CNTN5: variants seen among roughly 807,000 people sequenced by gnomAD.
CNTN5 encodes the protein contactin-5.
CNTN5 carries 77 observed loss-of-function variants against 129.1 expected under a neutral mutation model. The observed-to-expected ratio is 0.60, with a 90% confidence interval of 0.50 to 0.72. The LOEUF (loss-of-function observed/expected upper bound fraction) is 0.72. Among genes scored for constraint, CNTN5 ranks in the 30% least tolerant of loss-of-function variants. The pLI is 0.00. For synonymous variants in CNTN5, 509 were observed against 465.6 expected, an observed-to-expected ratio of 1.09 and a Z score of -1.20; for missense variants, 1,478 against 1,328.8, an observed-to-expected ratio of 1.11 and a Z score of -1.75.
At chr11:99,274,034 G>T (rs554373297) in intron 1 of CNTN5, among the ~76,000 whole-genome samples, 2 of 151,718 alleles carry the variant, frequency 1.3e-5, no homozygotes, top group Non-Finnish European at 2.9e-5. Context: ...AATTAGAGAT[G>T]TAGTTTCTTA....
chr11:99,840,230 G>T (rs888037177), intron 4 of CNTN5, among the ~76,000 whole-genome samples: 3 of 152,068 alleles, frequency 2.0e-5, no homozygotes, highest in South Asian at 2.1e-4. Flanking sequence ...TTTGATACCT[G>T]CCAAGTTGTC....
intron 1 of CNTN5, among the ~76,000 whole-genome samples, chr11:99,059,464 A>G (rs2135205116): frequency 6.6e-6 from 1 of 152,232 alleles, no homozygotes; most frequent in Non-Finnish European, 1.5e-5. Flanking sequence ...CTCAGAGCTA[A>G]ATGCACACAG....
intron 13 of CNTN5, among the ~76,000 whole-genome samples, chr11:100,075,513 C>T (rs569167430): frequency 1.3e-5 from 2 of 152,274 alleles, no homozygotes; most frequent in South Asian, 4.1e-4. Flanking sequence ...TTAGAGAAAA[C>T]TCTTTTTATG....
intron 1 of CNTN5, among the ~76,000 whole-genome samples, chr11:99,276,220 A>G (rs565551835): frequency 6.6e-6 from 1 of 151,904 alleles, no homozygotes; most frequent in South Asian, 2.1e-4. Context: ...CATTTGTCGC[A>G]TTCAGTTGAA....
chr11:99,856,288 A>G (rs947763671), intron 6 of CNTN5, among the ~76,000 whole-genome samples: 2 of 152,234 alleles, frequency 1.3e-5, no homozygotes, highest in Admixed American at 1.3e-4. Flanking sequence ...TTAAAGTTCA[A>G]GTCCTCTTCA....
intron 7 of CNTN5, among the ~76,000 whole-genome samples, chr11:99,951,717 A>T: frequency 6.6e-6 from 1 of 152,128 alleles, no homozygotes; most frequent in East Asian, 1.9e-4. Context: ...CCAGATTGTT[A>T]AAACTGTCTA....
chr11:100,245,347 C>T (rs766702407), intron 16 of CNTN5, among the ~76,000 whole-genome samples: 1 of 152,128 alleles, frequency 6.6e-6, no homozygotes, highest in Non-Finnish European at 1.5e-5. Flanking sequence ...TCTGGTTATA[C>T]CATTTTAGAG....
chr11:100,358,031 T>C lies in CNTN5; in HGVS notation c.*1811T>C, dbSNP rs2139055706. ...ACGCCTCCTTTAAAGTGGGAGAGGC[T>C]GGACTTTGCAAAAACAGGGATGCTA... On this transcript the variant is annotated 3_prime_UTR_variant, in exon 25 of 25. Coordinates refer to ENST00000524871, the MANE Select transcript of CNTN5 (RefSeq NM_014361.4). The C allele has an allele frequency of 6.6e-6, 1 of 151,970 alleles. No individual in the cohort carries two copies. The highest frequency in any genetic ancestry group is 1.9e-4 in the East Asian group (1 of 5,178). The allele number at this position is 151,970 out of a possible 1,614,324, so 9.4% of individuals were successfully genotyped here. A position where few individuals can be genotyped will look rare whatever the true frequency, so the allele number is the denominator to read the frequency against.
At chr11:99,553,993 C>CACACAA (rs1555025661) in intron 2 of CNTN5, among the ~76,000 whole-genome samples, 17 of 81,612 alleles carry the variant, frequency 2.1e-4, no homozygotes, top group African/African-American at 6.9e-4. Context: ...CACACACACA[C>CACACAA]ACATACACAC....
chr11:99,732,398 TAAC>T (rs951028330), intron 3 of CNTN5, among the ~76,000 whole-genome samples: 42 of 152,060 alleles, frequency 2.8e-4, no homozygotes, highest in African/African-American at 1.0e-3. Context: ...CTCAGTATAA[TAAC>T]TGAGTACTTG....
chr11:99,441,263 C>G (rs1254361047), intron 2 of CNTN5, among the ~76,000 whole-genome samples: 1 of 152,166 alleles, frequency 6.6e-6, no homozygotes, highest in African/African-American at 2.4e-5. Context: ...AATATTTAGT[C>G]TAGTTACCTC....
intron 3 of CNTN5, among the ~76,000 whole-genome samples, chr11:99,747,870 G>T (rs1275437668): frequency 6.6e-6 from 1 of 152,226 alleles, no homozygotes; most frequent in Non-Finnish European, 1.5e-5. Flanking sequence ...GCTTTATTAT[G>T]TTAAGGTGCA....
chr11:99,216,330 C>G (rs1248263896), intron 1 of CNTN5, among the ~76,000 whole-genome samples: 3 of 152,070 alleles, frequency 2.0e-5, no homozygotes, highest in African/African-American at 7.2e-5. Context: ...GACCGGATTT[C>G]ATTCTTTTTT....
rs145079539 is a variant in CNTN5, at chr11:100,051,906, G to T, written c.981-9306G>T. ...TGGCACAAGTAGAAACAGAAAATATGAATTTTTCCATATCTATCAGTGAAA... is the reference window on the plus strand; with the variant it reads ...TGGCACAAGTAGAAACAGAAAATATTAATTTTTCCATATCTATCAGTGAAA... On this transcript the variant is annotated intron_variant, in intron 9 of 24. Coordinates refer to ENST00000524871, the MANE Select transcript of CNTN5 (RefSeq NM_014361.4). Among the ~76,000 whole-genome samples, 1,005 of 151,698 alleles carry T rather than the reference G, an allele frequency of 6.6e-3. 9 individuals are homozygous for T. Among genetic ancestry groups the T allele is most frequent in the African/African-American group, 0.022 (919 of 41,388 alleles).
chr11:100,077,556 C>T (rs772063871), intron 13 of CNTN5, among the ~76,000 whole-genome samples: 4 of 152,046 alleles, frequency 2.6e-5, no homozygotes, highest in African/African-American at 4.8e-5. Flanking sequence ...GTACAGTTCT[C>T]ATGCCTATAA....
chr11:99,155,786 A>G (rs1860305776), intron 1 of CNTN5, among the ~76,000 whole-genome samples: 1 of 152,210 alleles, frequency 6.6e-6, no homozygotes, highest in Admixed American at 6.5e-5. Context: ...GAACAGAGTC[A>G]AGACAGTGAC....
At chr11:99,994,038 G>A (rs1425103895) in intron 8 of CNTN5, among the ~76,000 whole-genome samples, 3 of 152,168 alleles carry the variant, frequency 2.0e-5, no homozygotes, top group Non-Finnish European at 4.4e-5. Context: ...CAGAAGTGAG[G>A]CTTAAGAATG....
At chr11:99,714,692 C>T (rs578076079) in intron 3 of CNTN5, among the ~76,000 whole-genome samples, 3 of 151,956 alleles carry the variant, frequency 2.0e-5, no homozygotes, top group South Asian at 4.1e-4. Flanking sequence ...CAAGGAATAA[C>T]GAGGTTCAAG....
intron 7 of CNTN5, among the ~76,000 whole-genome samples, chr11:99,950,050 A>T (rs1004495623): frequency 6.6e-6 from 1 of 152,218 alleles, no homozygotes; most frequent in African/African-American, 2.4e-5. Flanking sequence ...AGAGAAAATT[A>T]TTACTTTGTT....
Sources: gnomAD v4.1 joint callset for allele counts (sites outside exome capture counted in the v4.1 genomes callset) on GRCh38, gnomAD v4.1.1 for gene constraint, MANE v1.5 for transcripts, NCBI Gene and HGNC (gene_info 2026-07-23, HGNC 2026-07-21) for gene names.